The following RAPGEF2 variants were observed in gnomAD, a reference collection of about 807,000 sequenced individuals.
RAPGEF2 encodes the protein Rap guanine nucleotide exchange factor 2, also known as PDZ domain containing guanine nucleotide exchange factor (GEF) 1.
In RAPGEF2, 54 loss-of-function variants were observed where a neutral mutation model predicts 186.7. The ratio of observed to expected loss-of-function variants is 0.29; its 90% CI spans 0.23 to 0.36. The LOEUF (loss-of-function observed/expected upper bound fraction) is 0.36, where lower values mean the gene tolerates loss of function less well. Ranked by LOEUF, RAPGEF2 falls within the 10% of genes least tolerant of loss-of-function variation. RAPGEF2 has a pLI of 1.00. For missense variants in RAPGEF2, 1,532 were observed against 2,045.0 expected (o/e 0.75, Z 4.84); for synonymous variants, 712 against 705.9 (o/e 1.01, Z -0.14).
intron 4 of RAPGEF2, among the ~76,000 whole-genome samples, chr4:159,217,869 T>C (rs1039107867): frequency 2.0e-5 from 3 of 152,262 alleles, no homozygotes; most frequent in African/African-American, 7.2e-5. Context: ...TGAGATGGTA[T>C]CTCACTGTGG....
Position 159,341,837 on chromosome 4 carries a change from T to C in RAPGEF2, c.2808T>C (p.Ile936=), listed in dbSNP as rs1428917453. 1 of 1,613,264 alleles carries C rather than the reference T, an allele frequency of 6.2e-7. No homozygotes were observed. Among genetic ancestry groups the C allele is most frequent in the African/African-American group, 1.3e-5 (1 of 74,678 alleles). ...AAACATTTTGGGTAGCATCTGAAAT[T>C]CTCAGAGAAACAAACCAGCTGAAGA... ...NQETFWVASE[I]LRETNQLKRM... is the part of the protein sequence containing the mutation. The change falls in exon 20 of 30, where the codon ATT becomes ATC. Residue 936 remains isoleucine, a synonymous_variant. Coordinates refer to ENST00000691494, the MANE Select transcript of RAPGEF2 (RefSeq NM_001394067.2).
intron 7 of RAPGEF2, among the ~76,000 whole-genome samples, chr4:159,302,011 A>G (rs774677467): frequency 7.2e-5 from 11 of 152,222 alleles, no homozygotes; most frequent in Non-Finnish European, 1.2e-4. Context: ...GCAGATACTC[A>G]ATAAGTATTT....
At chr4:159,303,594 CATA>C (rs1009034003) in intron 7 of RAPGEF2, among the ~76,000 whole-genome samples, 2 of 150,294 alleles carry the variant, frequency 1.3e-5, no homozygotes, top group East Asian at 3.9e-4. Context: ...TTGACGAGGG[CATA>C]ATAAGAGAAA....
chr4:159,197,412 A>G (rs923525297), intron 3 of RAPGEF2, among the ~76,000 whole-genome samples: 1 of 134,806 alleles, frequency 7.4e-6, no homozygotes, highest in Non-Finnish European at 1.5e-5. Flanking sequence ...AACCATTGCA[A>G]AAGTTTAAGT....
chr4:159,158,122 G>A (rs1744323880), intron 1 of RAPGEF2, among the ~76,000 whole-genome samples: 1 of 152,076 alleles, frequency 6.6e-6, no homozygotes, highest in Non-Finnish European at 1.5e-5. Context: ...TTAACTAGAA[G>A]GTTTTAATGA....
chr4:159,197,373 C>G (rs564341833), intron 3 of RAPGEF2, among the ~76,000 whole-genome samples: 15 of 152,232 alleles, frequency 9.9e-5, no homozygotes, highest in African/African-American at 3.1e-4. Flanking sequence ...TTACATTTAA[C>G]GTGCTCAAAA....
chr4:159,198,210 T>G (rs1748885881), intron 3 of RAPGEF2, among the ~76,000 whole-genome samples: 1 of 150,794 alleles, frequency 6.6e-6, no homozygotes, highest in Middle Eastern at 3.2e-3. Flanking sequence ...AGCAAAATAC[T>G]GCGATTCTTT....
At chr4:159,130,325 C>A (rs1220004719) in intron 1 of RAPGEF2, among the ~76,000 whole-genome samples, 1 of 152,168 alleles carries the variant, frequency 6.6e-6, no homozygotes, top group Non-Finnish European at 1.5e-5. Flanking sequence ...TAGGTCTCAG[C>A]CTTATTTTAC....
chr4:159,240,671 CTATT>C (rs1218452367), intron 5 of RAPGEF2, among the ~76,000 whole-genome samples: 1 of 151,894 alleles, frequency 6.6e-6, no homozygotes, highest in East Asian at 1.9e-4. Flanking sequence ...TTAAACAACA[CTATT>C]TATAAAAAAA....
chr4:159,345,674 A>C (rs908939934), intron 24 of RAPGEF2, among the ~76,000 whole-genome samples: 2 of 152,140 alleles, frequency 1.3e-5, no homozygotes, highest in Non-Finnish European at 1.5e-5. Context: ...CTACCCCCAA[A>C]GTATGGGCAA....
intron 1 of RAPGEF2, among the ~76,000 whole-genome samples, chr4:159,185,894 C>G (rs1163582542): frequency 1.3e-5 from 2 of 152,058 alleles, no homozygotes; most frequent in Admixed American, 1.3e-4. Context: ...TAGATTTTGA[C>G]TAAGGTTTAA....
intron 6 of RAPGEF2, 128 bp downstream of exon 6, chr4:159,241,496 T>C (rs1267646402): frequency 6.2e-6 from 2 of 323,368 alleles, no homozygotes; most frequent in East Asian, 5.3e-5. Context: ...ACATTAAGTA[T>C]ACTTAAATAT....
At chr4:159,231,347 A>G (rs1752620263) in intron 4 of RAPGEF2, among the ~76,000 whole-genome samples, 1 of 152,126 alleles carries the variant, frequency 6.6e-6, no homozygotes, top group African/African-American at 2.4e-5. Flanking sequence ...GCATGACTGT[A>G]TGTTAATATA....
intron 7 of RAPGEF2, among the ~76,000 whole-genome samples, chr4:159,276,448 A>G (rs1758887585): frequency 6.6e-6 from 1 of 152,232 alleles, no homozygotes; most frequent in Admixed American, 6.5e-5. Flanking sequence ...ATTTACCTAA[A>G]TATAAAAATA....
intron 4 of RAPGEF2, among the ~76,000 whole-genome samples, chr4:159,211,968 C>T (rs867139411): frequency 1.1e-4 from 17 of 152,198 alleles, no homozygotes; most frequent in Non-Finnish European, 1.5e-4. Context: ...AAAAGAATGA[C>T]GACAAAATAG....
intron 8 of RAPGEF2, among the ~76,000 whole-genome samples, chr4:159,312,396 C>T (rs2111097710): frequency 6.6e-6 from 1 of 152,200 alleles, no homozygotes. Flanking sequence ...TATTTCTAGA[C>T]TTCAGGGTCA....
At chr4:159,129,890 C>T (rs1740826668) in intron 1 of RAPGEF2, among the ~76,000 whole-genome samples, 1 of 152,178 alleles carries the variant, frequency 6.6e-6, no homozygotes, top group African/African-American at 2.4e-5. Flanking sequence ...AAAAGAACGG[C>T]TACTCCATAG....
At chr4:159,221,565 T>TA (rs1751542603) in intron 4 of RAPGEF2, among the ~76,000 whole-genome samples, 1 of 152,108 alleles carries the variant, frequency 6.6e-6, no homozygotes. Context: ...AATAATAATA[T>TA]AAAAACTATC....
chr4:159,239,842 CATTTAGTAAAGT>C (rs1753747110), intron 5 of RAPGEF2, among the ~76,000 whole-genome samples: 1 of 152,134 alleles, frequency 6.6e-6, no homozygotes, highest in African/African-American at 2.4e-5. Flanking sequence ...CTTTTATTCA[CATTTAGTAAAGT>C]ATTTAGTAAA....
Sources: allele counts gnomAD v4.1 joint callset (sites outside exome capture counted in the v4.1 genomes callset), GRCh38; gene constraint gnomAD v4.1.1; transcripts MANE v1.5; gene names NCBI Gene and HGNC (gene_info 2026-07-23, HGNC 2026-07-21).